Variants in GAB2 observed in about 807,000 individuals in gnomAD.
GAB2 encodes GRB2-associated-binding protein 2.
GAB2 carries 26 observed loss-of-function variants against 65.5 expected under a neutral mutation model. The ratio of observed to expected loss-of-function variants is 0.40; its 90% CI spans 0.29 to 0.55. The LOEUF is 0.55. Ranked by LOEUF, GAB2 falls within the 20% of genes least tolerant of loss-of-function variation. The pLI is 0.53. For missense variants in GAB2, 884 were observed against 875.8 expected (o/e 1.01, Z -0.12); for synonymous variants, 321 against 329.6 (o/e 0.97, Z 0.28).
At chr11:78,287,134 A>G (rs894197578) in intron 1 of GAB2, among the ~76,000 whole-genome samples, 1 of 152,244 alleles carries the variant, frequency 6.6e-6, no homozygotes, top group Admixed American at 6.5e-5. Flanking sequence ...AAACTGCATG[A>G]TCATATCTTT....
chr11:78,313,442 T>G (rs1180783526), intron 1 of GAB2, among the ~76,000 whole-genome samples: 1 of 152,204 alleles, frequency 6.6e-6, no homozygotes, highest in Non-Finnish European at 1.5e-5. Flanking sequence ...TGCAAGGTGC[T>G]TGATGCTCCC....
At chr11:78,273,557 C>G (rs1330740871) in intron 2 of GAB2, among the ~76,000 whole-genome samples, 1 of 152,232 alleles carries the variant, frequency 6.6e-6, no homozygotes, top group Non-Finnish European at 1.5e-5. Flanking sequence ...TAGGAAATAA[C>G]TAACTTGCTT....
chr11:78,230,352 C>G (rs761506148), intron 3 of GAB2, among the ~76,000 whole-genome samples: 9 of 152,198 alleles, frequency 5.9e-5, no homozygotes, highest in Non-Finnish European at 1.2e-4. Context: ...AACTTCAGCC[C>G]TGGTCTTGCA....
intron 1 of GAB2, among the ~76,000 whole-genome samples, chr11:78,313,541 A>G (rs141645017): frequency 0.015 from 2,272 of 152,246 alleles, 65 homozygotes; most frequent in African/African-American, 0.052. Flanking sequence ...GATCATGTGC[A>G]AGACCCACAG....
intron 1 of GAB2, among the ~76,000 whole-genome samples, chr11:78,390,021 G>C (rs1402768354): frequency 6.6e-6 from 1 of 152,104 alleles, no homozygotes; most frequent in Non-Finnish European, 1.5e-5. Context: ...AGTAGTTCAG[G>C]ACCAGGCAGC....
chr11:78,373,238 C>CTT (rs535640025), intron 1 of GAB2, among the ~76,000 whole-genome samples: 12 of 136,110 alleles, frequency 8.8e-5, no homozygotes, highest in Admixed American at 2.2e-4. Context: ...ATTATAATGA[C>CTT]TTTTTTTTTT....
intron 1 of GAB2, among the ~76,000 whole-genome samples, chr11:78,401,291 C>T (rs1565185847): frequency 6.6e-6 from 1 of 152,154 alleles, no homozygotes; most frequent in Non-Finnish European, 1.5e-5. Flanking sequence ...ACAATAGCTG[C>T]TCATTGTCCC....
At chr11:78,382,027 G>A (rs1856704101) in intron 1 of GAB2, among the ~76,000 whole-genome samples, 1 of 152,200 alleles carries the variant, frequency 6.6e-6, no homozygotes, top group African/African-American at 2.4e-5. Flanking sequence ...TCAGTAACAA[G>A]TTTTACAAGT....
Position 78,220,464 on chromosome 11 carries a change from A to C in GAB2, c.1762-20T>G. 1 of 1,545,796 alleles carries C rather than the reference A, an allele frequency of 6.5e-7. No individual in the cohort carries two copies. The highest frequency in any genetic ancestry group is 1.2e-5 in the South Asian group (1 of 82,822). On this transcript the variant is annotated intron_variant, in intron 8 of 9. Coordinates refer to ENST00000361507, the MANE Select transcript of GAB2 (RefSeq NM_080491.3). ...GTTTTGCTGTCACGAGGAGGAAAAA[A>C]CTGTGAGTGACTGCAGAAAACAGAC...
intron 7 of GAB2, 36 bp downstream of exon 7, chr11:78,222,069 G>T: frequency 7.2e-7 from 1 of 1,388,206 alleles, no homozygotes; most frequent in South Asian, 1.2e-5. Context: ...CTAATGGCCC[G>T]ACTCCAAGCT....
intron 1 of GAB2, among the ~76,000 whole-genome samples, chr11:78,392,852 C>T (rs1364544337): frequency 6.6e-6 from 1 of 152,226 alleles, no homozygotes; most frequent in African/African-American, 2.4e-5. Flanking sequence ...ATTTTCTCTG[C>T]AGCCTCTGAC....
chr11:78,360,379 G>A (rs1237760615), intron 1 of GAB2, among the ~76,000 whole-genome samples: 1 of 133,028 alleles, frequency 7.5e-6, no homozygotes, highest in Admixed American at 8.1e-5. Flanking sequence ...ATATGACGAA[G>A]CCCTGTTTCT....
intron 1 of GAB2, among the ~76,000 whole-genome samples, chr11:78,291,294 C>CA (rs397848614): frequency 0.17 from 17,231 of 103,626 alleles, 1,476 homozygotes; most frequent in East Asian, 0.36. Context: ...ACTAAAACGA[C>CA]AAAAAAAAAA....
At chr11:78,355,008 C>CT (rs1306798171) in intron 1 of GAB2, among the ~76,000 whole-genome samples, 1 of 152,250 alleles carries the variant, frequency 6.6e-6, no homozygotes, top group Non-Finnish European at 1.5e-5. Flanking sequence ...TCTCTAGGTT[C>CT]TGGCTTATTT....
chr11:78,396,970 T>C (rs1173268844), intron 1 of GAB2, among the ~76,000 whole-genome samples: 1 of 152,202 alleles, frequency 6.6e-6, no homozygotes, highest in Non-Finnish European at 1.5e-5. Context: ...TTGTAAAATA[T>C]ACATAGCACA....
chr11:78,259,885 G>T (rs1054666539), intron 2 of GAB2, among the ~76,000 whole-genome samples: 1 of 152,182 alleles, frequency 6.6e-6, no homozygotes, highest in Admixed American at 6.5e-5. Flanking sequence ...AAGATGTATC[G>T]CTATGAATGA....
chr11:78,226,423 ACCT>A, intron 4 of GAB2, 39 bp downstream of exon 4: 2 of 1,477,284 alleles, frequency 1.4e-6, no homozygotes, highest in Non-Finnish European at 9.5e-7. Context: ...CCCCTGTGTT[ACCT>A]CCTCCTCCCT....
At chr11:78,323,446 G>A (rs913558632) in intron 1 of GAB2, among the ~76,000 whole-genome samples, 11 of 151,960 alleles carry the variant, frequency 7.2e-5, no homozygotes, top group African/African-American at 2.7e-4. Flanking sequence ...GGAGGCAGAG[G>A]TTGTAGTCAG....
chr11:78,307,778 G>T (rs983250416), intron 1 of GAB2, among the ~76,000 whole-genome samples: 1 of 152,214 alleles, frequency 6.6e-6, no homozygotes, highest in Admixed American at 6.5e-5. Flanking sequence ...TAATACAAAA[G>T]AAGTGAGAAT....
Sources: gnomAD v4.1 joint callset for allele counts (sites outside exome capture counted in the v4.1 genomes callset) on GRCh38, gnomAD v4.1.1 for gene constraint, MANE v1.5 for transcripts, NCBI Gene and HGNC (gene_info 2026-07-23, HGNC 2026-07-21) for gene names.